Variants in STX3 observed in about 807,000 individuals in gnomAD.
STX3 encodes syntaxin-3.
Under a neutral mutation model 40.2 loss-of-function variants are expected in STX3, and 19 were observed. The observed-to-expected ratio is 0.47, with a 90% CI of 0.33 to 0.69. The LOEUF is 0.69. STX3 is among the 30% of genes least tolerant of loss of function. The pLI is 0.02. For synonymous variants in STX3, 122 were observed against 132.2 expected (o/e 0.92, Z 0.53); for missense variants, 364 against 366.7 (o/e 0.99, Z 0.06).
At chr11:59,781,420 C>T (rs1163196217) in intron 2 of STX3, 68 of 1,608,870 alleles carry the variant, frequency 4.2e-5, no homozygotes, top group Non-Finnish European at 5.6e-5. Context: ...TCCTTCCCAT[C>T]CCACTCCTGA....
At chr11:59,776,038 T>C (rs1157495503) in intron 2 of STX3, among the ~76,000 whole-genome samples, 1 of 152,136 alleles carries the variant, frequency 6.6e-6, no homozygotes, top group African/African-American at 2.4e-5. Flanking sequence ...TGTCATAGAT[T>C]TGGTAGAGAT....
At chr11:59,754,860 C>T (rs1393502973), upstream of STX3, 2 of 152,278 alleles carry the variant, frequency 1.3e-5, no homozygotes, top group Non-Finnish European at 1.5e-5. Context: ...ATTCTCTGAC[C>T]ACCCTGACCG....
In STX3 at chr11:59,801,108, T is replaced by C; in HGVS notation, c.*284T>C. 7.2e-7 allele frequency: 1 copy of C among 1,389,716 alleles called. No individual in the cohort carries two copies. Among genetic ancestry groups the C allele is most frequent in the East Asian group, 2.6e-5 (1 of 38,312 alleles). The allele number at this position is 1,389,716 out of a possible 1,614,324, so 86.1% of individuals were successfully genotyped here. ...CCTGGACTGTGTGGACCCACCCAGC[T>C]TTCTTCCTCCCTGTTGTGTGTCAGA... On this transcript the variant is annotated 3_prime_UTR_variant, in exon 11 of 11. Transcript: ENST00000337979.
chr11:59,773,208 C>T lies in STX3; in HGVS notation c.31-3C>T. ...TCACTCTGCTCTTTTTTGCCTTTTG[C>T]AGAAGCAGCTGACACAGGATGATGA... On this transcript the variant is annotated splice_region_variant and splice_polypyrimidine_tract_variant and intron_variant, in intron 1 of 10. Transcript: ENST00000337979. 6.2e-7 allele frequency: 1 copy of T among 1,612,696 alleles called. No individual in the cohort carries two copies.
At chr11:59,787,170 A>G (rs1166595671) in intron 3 of STX3, 34 bp downstream of exon 3, 1 of 1,586,396 alleles carries the variant, frequency 6.3e-7, no homozygotes, top group South Asian at 1.1e-5. Flanking sequence ...TCATCCAACA[A>G]TCACCCTTTC....
rs943882684 is a variant in STX3, at chr11:59,803,812, T to C, written c.*2988T>C. On this transcript the variant is annotated 3_prime_UTR_variant, in exon 11 of 11. Transcript: ENST00000337979. The stretch of plus-strand genomic sequence containing the variant: ...CATGCTATATAATCTATGATTTTTT[T>C]CCTCCATTTTTCTGTTATCTCCCAC... The C allele has an allele frequency of 6.5e-6, 1 of 152,850 alleles. No individual in the cohort carries two copies. Among genetic ancestry groups the C allele is most frequent in the African/African-American group, 2.4e-5 (1 of 41,428 alleles). 9.5% of individuals were successfully genotyped at this position (152,850 alleles called of 1,614,324 possible). A position where few individuals can be genotyped will look rare whatever the true frequency, so the allele number is the denominator to read the frequency against.
In STX3 at chr11:59,802,019, A is replaced by G; in HGVS notation, c.*1195A>G. On this transcript the variant is annotated 3_prime_UTR_variant, in exon 11 of 11. Coordinates refer to ENST00000337979, the MANE Select transcript of STX3 (RefSeq NM_004177.5). ...AATTAAGTTTTTCTGCTTAGCAGAC[A>G]GAAGGTATAATTTTTTGACACCCTT... 1.0e-6 allele frequency: 1 copy of G among 985,468 alleles called. No individual in the cohort carries two copies. The highest frequency in any genetic ancestry group is 1.2e-6 in the Non-Finnish European group (1 of 829,932). 61.0% of individuals were successfully genotyped at this position (985,468 alleles called of 1,614,324 possible). A position where few individuals can be genotyped will look rare whatever the true frequency, so the allele number is the denominator to read the frequency against.
chr11:59,786,328 C>T (rs1016166382), intron 2 of STX3, among the ~76,000 whole-genome samples: 11 of 151,056 alleles, frequency 7.3e-5, no homozygotes, highest in African/African-American at 9.8e-5. Context: ...CAAGCTCCAC[C>T]TCCCGGGTTC....
chr11:59,795,684 C>T, intron 9 of STX3: 1 of 1,537,072 alleles, frequency 6.5e-7, no homozygotes, highest in South Asian at 1.2e-5. Flanking sequence ...ACCAAAAAGG[C>T]TGTCAAGTAT....
In STX3 at chr11:59,773,233, A is replaced by T. The variant is rs1026858434; in HGVS notation, c.53A>T (p.Asp18Val). The T allele has an allele frequency of 1.2e-6, 2 of 1,614,190 alleles. No homozygotes were observed. The highest frequency in any genetic ancestry group is 1.6e-4 in the Middle Eastern group (1 of 6,062). Reference sequence around the variant, plus strand: ...CAGAAGCAGCTGACACAGGATGATGATACTGATGCGGTTGAGATTGCTATC... The same window carrying T: ...CAGAAGCAGCTGACACAGGATGATGTTACTGATGCGGTTGAGATTGCTATC... ...LKAKQLTQDDDTDAVEIAIDN... is the reference protein window; with the variant it reads ...LKAKQLTQDDVTDAVEIAIDN... Residue 18 changes from aspartate to valine, a missense_variant, in exon 2 of 11, where the codon GAT becomes GTT. Transcript: ENST00000337979.
intron 7 of STX3, 70 bp from the exon 8 acceptor site, chr11:59,793,310 G>T (rs1865315611): frequency 6.2e-7 from 1 of 1,603,148 alleles, no homozygotes; most frequent in East Asian, 2.2e-5. Context: ...CCAGGAGCGT[G>T]CATGAGGGCT....
At chr11:59,772,234 C>T (rs1242243363) in intron 1 of STX3, among the ~76,000 whole-genome samples, 3 of 152,246 alleles carry the variant, frequency 2.0e-5, no homozygotes, top group African/African-American at 7.2e-5. Flanking sequence ...CCTTTCACAA[C>T]AGTCAGTTCT....
Position 59,800,985 on chromosome 11 carries a change from C to T in STX3, c.*161C>T, listed in dbSNP as rs568131556. ...GCAACCACCCTTGGACCTGACTCAG[C>T]TAACAATCTAGCCCTGGGGGAATGT... On this transcript the variant is annotated 3_prime_UTR_variant, in exon 11 of 11. Coordinates refer to ENST00000337979, the MANE Select transcript of STX3 (RefSeq NM_004177.5). The T allele has an allele frequency of 6.5e-7, 1 of 1,532,158 alleles. No homozygotes were observed. The highest frequency in any genetic ancestry group is 2.4e-5 in the East Asian group (1 of 40,848). The allele number at this position is 1,532,158 out of a possible 1,614,324, so 94.9% of individuals were successfully genotyped here. A position where few individuals can be genotyped will look rare whatever the true frequency, so the allele number is the denominator to read the frequency against.
chr11:59,795,050 G>A (rs1475156821), intron 8 of STX3, among the ~76,000 whole-genome samples: 2 of 152,124 alleles, frequency 1.3e-5, no homozygotes, highest in East Asian at 3.8e-4. Flanking sequence ...GTGCTTAAGT[G>A]TAAAAAAAAT....
intron 4 of STX3, chr11:59,789,253 C>T: frequency 9.3e-6 from 2 of 214,752 alleles, no homozygotes; most frequent in South Asian, 1.1e-4. Flanking sequence ...ACTTGTCTCT[C>T]TTTTTTTTTT....
rs1468751683 is a variant in STX3, at chr11:59,755,575, G to A, written c.-31G>A. ...CCTGGGACGCGCTCACCTGGGACGC[G>A]CTACCTGCCTCCGGGCGCCTGGGCT... On this transcript the variant is annotated 5_prime_UTR_variant, in exon 1 of 11. Coordinates refer to ENST00000337979, the MANE Select transcript of STX3 (RefSeq NM_004177.5). 1.9e-6 allele frequency: 3 copies of A among 1,592,536 alleles called. No homozygotes were observed. Among genetic ancestry groups the A allele is most frequent in the South Asian group, 1.1e-5 (1 of 90,810 alleles).
chr11:59,790,419 G>A (rs1258699265), intron 4 of STX3, 100 bp from the exon 5 acceptor site: 9 of 909,850 alleles, frequency 9.9e-6, no homozygotes, highest in South Asian at 2.7e-5. Context: ...TTACATCTCC[G>A]TGGGCTGGAT....
Position 59,803,174 on chromosome 11 carries a change from T to C in STX3, c.*2350T>C. 3.2e-6 allele frequency: 4 copies of C among 1,231,654 alleles called. No homozygotes were observed. The highest frequency in any genetic ancestry group is 4.0e-6 in the Non-Finnish European group (4 of 987,892). 76.3% of individuals were successfully genotyped at this position (1,231,654 alleles called of 1,614,324 possible). ...TCTCCCTGCAGAATACTTTTTGCGA[T>C]GATGTTTCTCATGTATTCTTTCTTT... On this transcript the variant is annotated 3_prime_UTR_variant, in exon 11 of 11. Coordinates refer to ENST00000337979, the MANE Select transcript of STX3 (RefSeq NM_004177.5).
At chr11:59,774,149 A>G (rs1338741998) in intron 2 of STX3, among the ~76,000 whole-genome samples, 2 of 152,080 alleles carry the variant, frequency 1.3e-5, no homozygotes, top group East Asian at 3.9e-4. Context: ...TGGTACTATG[A>G]TAGGTAGGTG....
Sources: allele counts gnomAD v4.1 joint callset (sites outside exome capture counted in the v4.1 genomes callset), GRCh38; gene constraint gnomAD v4.1.1; transcripts MANE v1.5; gene names NCBI Gene and HGNC (gene_info 2026-07-23, HGNC 2026-07-21).